FER1L6: variants seen among roughly 807,000 people sequenced by gnomAD.
FER1L6 encodes fer-1 like family member 6.
Under a neutral mutation model 219.2 loss-of-function variants are expected in FER1L6, and 177 were observed. The observed-to-expected ratio is 0.81, with a 90% CI of 0.71 to 0.91. The LOEUF is 0.91. FER1L6 is among the 40% of genes least tolerant of loss of function. The pLI, the probability that FER1L6 is intolerant of heterozygous loss-of-function variation, is 0.00. For missense variants in FER1L6, 2,153 were observed against 2,259.9 expected, an observed-to-expected ratio of 0.95 and a Z score of 0.96; for synonymous variants, 768 against 824.3, an observed-to-expected ratio of 0.93 and a Z score of 1.17.
At chr8:124,119,513 A>G in intron 40 of FER1L6, 94 bp from the exon 41 acceptor site, 2 of 820,214 alleles carry the variant, frequency 2.4e-6, no homozygotes, top group Non-Finnish European at 4.1e-6. Context: ...ATGGGTCCTC[A>G]GAAAGTGGGA....
At chr8:124,101,044 G>T (rs988600987) in intron 37 of FER1L6, 53 bp from the exon 38 acceptor site, 42 of 1,556,330 alleles carry the variant, frequency 2.7e-5, no homozygotes, top group Non-Finnish European at 3.7e-5. Flanking sequence ...TGATTATACT[G>T]ATGCCTGGAG....
chr8:124,107,661 T>A (rs1822837029), intron 39 of FER1L6, among the ~76,000 whole-genome samples: 1 of 152,212 alleles, frequency 6.6e-6, no homozygotes, highest in African/African-American at 2.4e-5. Flanking sequence ...TTTAAATTCA[T>A]TTGTTGAATA....
At chr8:124,000,735 G>A (rs540582455) in intron 12 of FER1L6, among the ~76,000 whole-genome samples, 33 of 152,292 alleles carry the variant, frequency 2.2e-4, no homozygotes, top group African/African-American at 7.7e-4. Flanking sequence ...CCCAGAAAGA[G>A]CATTCCATCA....
chr8:123,987,525 G>A (rs1284608209), intron 12 of FER1L6, among the ~76,000 whole-genome samples: 2 of 152,020 alleles, frequency 1.3e-5, no homozygotes, highest in Non-Finnish European at 2.9e-5. Context: ...TTTTTAACTC[G>A]ATGTGATCCC....
intron 26 of FER1L6, among the ~76,000 whole-genome samples, chr8:124,066,187 AT>A (rs1271379766): frequency 1.3e-5 from 2 of 152,210 alleles, no homozygotes; most frequent in East Asian, 3.8e-4. Flanking sequence ...CACATCCTTA[AT>A]GTCAAAACCA....
chr8:124,112,099 T>A (rs1024859145), intron 39 of FER1L6, among the ~76,000 whole-genome samples: 1 of 152,164 alleles, frequency 6.6e-6, no homozygotes, highest in Non-Finnish European at 1.5e-5. Flanking sequence ...TCCATGTGTA[T>A]AAAATCACTA....
intron 27 of FER1L6, among the ~76,000 whole-genome samples, chr8:124,066,771 G>C (rs1398397292): frequency 2.0e-5 from 3 of 152,286 alleles, no homozygotes; most frequent in East Asian, 3.9e-4. Flanking sequence ...TAGGACATAA[G>C]CTCTGCTGTA....
At chr8:124,056,981 T>C (rs1193813459) in intron 22 of FER1L6, among the ~76,000 whole-genome samples, 1 of 152,062 alleles carries the variant, frequency 6.6e-6, no homozygotes, top group Non-Finnish European at 1.5e-5. Context: ...GAGGCGGAGG[T>C]TGCAGTGAGC....
At chr8:124,022,096 C>T (rs1818482758) in intron 17 of FER1L6, among the ~76,000 whole-genome samples, 1 of 152,222 alleles carries the variant, frequency 6.6e-6, no homozygotes, top group Non-Finnish European at 1.5e-5. Flanking sequence ...CTGTCAGATA[C>T]TGACACTCGT....
At position 123,980,565 on chromosome 8, in the gene FER1L6, G is replaced by A; in HGVS notation, c.1164G>A (p.Gly388=). Residue 388 remains glycine (G), a synonymous_variant, in exon 11 of 41, where the codon GGG becomes GGA. Coordinates refer to ENST00000522917, the MANE Select transcript of FER1L6 (RefSeq NM_001039112.2). ...DDYQEMNEGF[G]EGVSFRGRIL... is the part of the protein sequence containing the mutation. ...ACCAGGAAATGAACGAAGGCTTTGG[G>A]GAAGGTGTGTCATTCAGGGGCAGAA... The A allele has an allele frequency of 6.2e-7, 1 of 1,614,142 alleles. No individual in the cohort carries two copies. Among genetic ancestry groups the A allele is most frequent in the Middle Eastern group, 1.6e-4 (1 of 6,062 alleles).
intron 3 of FER1L6, among the ~76,000 whole-genome samples, chr8:123,965,059 A>G (rs371762329): frequency 4.1e-4 from 62 of 152,314 alleles, no homozygotes; most frequent in African/African-American, 1.5e-3. Context: ...AACCAATTAA[A>G]TGATATTTAC....
chr8:124,025,128 A>G (rs577170826), intron 18 of FER1L6, among the ~76,000 whole-genome samples: 1 of 152,164 alleles, frequency 6.6e-6, no homozygotes, highest in South Asian at 2.1e-4. Context: ...TAATTTGCAA[A>G]TCTTTTCTCC....
At chr8:124,113,950 A>G (rs1823123799) in intron 39 of FER1L6, among the ~76,000 whole-genome samples, 1 of 152,226 alleles carries the variant, frequency 6.6e-6, no homozygotes, top group Non-Finnish European at 1.5e-5. Context: ...CTGTAAAGGC[A>G]CATTTTCCCC....
chr8:124,024,185 C>G (rs927077910), intron 18 of FER1L6, among the ~76,000 whole-genome samples: 1 of 149,684 alleles, frequency 6.7e-6, no homozygotes, highest in South Asian at 2.1e-4. Flanking sequence ...CGTGAGCCAC[C>G]GTACTTGGCC....
intron 1 of FER1L6, among the ~76,000 whole-genome samples, chr8:123,861,122 G>A (rs200378130): frequency 1.9e-5 from 2 of 107,530 alleles, no homozygotes; most frequent in African/African-American, 4.1e-5. Flanking sequence ...TAGGTCTAAC[G>A]TTTAAATCTT....
intron 10 of FER1L6, among the ~76,000 whole-genome samples, chr8:123,978,804 C>A (rs985966152): frequency 6.6e-6 from 1 of 152,064 alleles, no homozygotes; most frequent in Non-Finnish European, 1.5e-5. Context: ...TAACAGATAC[C>A]ATAGAGAGGC....
rs566678528 is a variant in FER1L6, at chr8:123,853,974, A to C, written c.-8+1789A>C. Among the ~76,000 whole-genome samples, 1 of 152,292 alleles carries C rather than the reference A, an allele frequency of 6.6e-6. No homozygotes were observed. Among genetic ancestry groups the C allele is most frequent in the South Asian group, 2.1e-4 (1 of 4,820 alleles). ...CTGTGGGCCTGGCTCTCAGGGAAGC[A>C]TCAGGGACCGTGATTAGAAAGTTTA... On this transcript the variant is annotated intron_variant, in intron 1 of 40. Coordinates refer to ENST00000522917, the MANE Select transcript of FER1L6 (RefSeq NM_001039112.2). The surrounding 1 kb of genome is among the most constrained non-coding windows in gnomAD (Gnocchi z 6.6).
In FER1L6 at chr8:124,045,789, C is replaced by T. The variant is rs778710040; in HGVS notation, c.2612C>T (p.Pro871Leu). The T allele has an allele frequency of 1.2e-4, 191 of 1,614,054 alleles. No individual in the cohort carries two copies. The highest frequency in any genetic ancestry group is 1.4e-4 in the Non-Finnish European group (163 of 1,180,000). The change falls in exon 21 of 41, where the codon CCG becomes CTG. Residue 871 changes from proline (P) to leucine (L), a missense_variant. By Grantham distance (98) the Pro-to-Leu change is moderately conservative. Transcript: ENST00000522917. ...CAGATAATCTCCCAGACCCTCTCTC[C>T]GACCTGGAACCAGATGCTGCTGTTC... ...TTKIISQTLSPTWNQMLLFND... is the reference protein window; with the variant it reads ...TTKIISQTLSLTWNQMLLFND...
intron 1 of FER1L6, among the ~76,000 whole-genome samples, chr8:123,908,932 G>T (rs149276216): frequency 1.3e-5 from 2 of 152,304 alleles, no homozygotes; most frequent in Non-Finnish European, 1.5e-5. Context: ...GGGGTCAAGC[G>T]TATCACTATT....
Sources: gnomAD v4.1 joint callset for allele counts (sites outside exome capture counted in the v4.1 genomes callset) on GRCh38, gnomAD v4.1.1 for gene constraint, Gnocchi (gnomAD v3.1) non-coding constraint, MANE v1.5 for transcripts, NCBI Gene and HGNC (gene_info 2026-07-23, HGNC 2026-07-21) for gene names.